PCDH15: variants seen among roughly 807,000 people sequenced by gnomAD.
PCDH15 encodes the protein protocadherin-15.
Under a neutral mutation model 178.5 loss-of-function variants are expected in PCDH15, and 129 were observed. The observed-to-expected ratio is 0.72, with a 90% confidence interval of 0.63 to 0.84. The LOEUF is 0.84. Ranked by LOEUF, PCDH15 falls within the 40% of genes least tolerant of loss-of-function variation. The pLI is 0.00. For missense variants in PCDH15, 2,230 were observed against 2,099.9 expected, an observed-to-expected ratio of 1.06 and a Z score of -1.21; for synonymous variants, 800 against 732.0, an observed-to-expected ratio of 1.09 and a Z score of -1.50.
chr10:54,071,365 C>T (rs187190613), intron 17 of PCDH15, among the ~76,000 whole-genome samples: 144 of 152,192 alleles, frequency 9.5e-4, no homozygotes, highest in African/African-American at 3.2e-3. Flanking sequence ...ACTTAATGAA[C>T]ACTTTTAAGG....
At chr10:54,606,750 C>A (rs970517094) in intron 2 of PCDH15, 1 of 152,018 alleles carries the variant, frequency 6.6e-6, no homozygotes, top group Non-Finnish European at 1.5e-5. Flanking sequence ...GATAAGAAGT[C>A]AAGCTACACT....
In PCDH15 at chr10:54,608,598, C is replaced by A. The variant is rs191003223; in HGVS notation, c.91+55574G>T. ...TGCACTCCAGCCTGGGTGACAGAGA[C>A]CCTCTCTTAACAAAATAAAAAATAC... On this transcript the variant is annotated intron_variant, in intron 2 of 37. Coordinates refer to ENST00000644397, the MANE Select transcript of PCDH15 (RefSeq NM_001384140.1). Among the ~76,000 whole-genome samples the A allele has an allele frequency of 9.9e-5, 15 of 151,812 alleles. No individual in the cohort carries two copies. In the East Asian group the frequency reaches 2.1e-3, roughly 22 times the overall value.
At position 55,588,890 on chromosome 10, in the gene PCDH15, T is replaced by A. The variant is rs35432352; in HGVS notation, c.-156+38735A>T. Among the ~76,000 whole-genome samples the A allele has an allele frequency of 9.4e-3, 1,436 of 152,104 alleles. 14 individuals are homozygous for A. The highest frequency in any genetic ancestry group is 0.014 in the Non-Finnish European group (972 of 67,990). On this transcript the variant is annotated intron_variant, in intron 2 of 5. Transcript: ENST00000613346. ...CGAGGTTGGGAGTTTGAGACCAGCC[T>A]GACCAACATGGAGAAACTCCATCTC...
chr10:55,380,866 T>C (rs776402858), intron 2 of PCDH15, among the ~76,000 whole-genome samples: 2 of 152,110 alleles, frequency 1.3e-5, no homozygotes, highest in Non-Finnish European at 1.5e-5. Context: ...TTCACAGTCA[T>C]TGATAGATTT....
At chr10:53,862,418 T>C (rs117044413) in intron 27 of PCDH15, among the ~76,000 whole-genome samples, 1,631 of 152,170 alleles carry the variant, frequency 0.011, 25 homozygotes, top group Non-Finnish European at 0.014. Flanking sequence ...ACTTGGAAAA[T>C]ACAAGTTTAC....
chr10:53,863,889 T>C (rs1478414602), intron 27 of PCDH15, among the ~76,000 whole-genome samples: 3 of 152,162 alleles, frequency 2.0e-5, no homozygotes, highest in Non-Finnish European at 4.4e-5. Flanking sequence ...GTCTAGATCC[T>C]GGAGGGTAGG....
chr10:55,242,658 G>A (rs187315047), intron 1 of PCDH15, among the ~76,000 whole-genome samples: 7 of 151,700 alleles, frequency 4.6e-5, no homozygotes, highest in African/African-American at 1.2e-4. Flanking sequence ...CTAGGGCAAC[G>A]TGGCAAAACC....
intron 10 of PCDH15, among the ~76,000 whole-genome samples, chr10:54,200,406 T>C (rs971568214): frequency 6.6e-6 from 1 of 151,742 alleles, no homozygotes; most frequent in Non-Finnish European, 1.5e-5. Context: ...GTATTTCTCC[T>C]AATGCTATCC....
intron 3 of PCDH15, among the ~76,000 whole-genome samples, chr10:54,440,513 A>G (rs2075732954): frequency 6.6e-6 from 1 of 151,958 alleles, no homozygotes; most frequent in Non-Finnish European, 1.5e-5. Context: ...TTTATTTGGC[A>G]TATTTTTTAA....
chr10:55,536,964 T>G (rs548483233), intron 2 of PCDH15, among the ~76,000 whole-genome samples: 1 of 152,288 alleles, frequency 6.6e-6, no homozygotes, highest in African/African-American at 2.4e-5. Context: ...AAAGTTATTT[T>G]ATTTTTTATA....
intron 2 of PCDH15, among the ~76,000 whole-genome samples, chr10:54,542,058 G>T (rs1315596920): frequency 6.6e-6 from 1 of 152,094 alleles, no homozygotes; most frequent in Non-Finnish European, 1.5e-5. Context: ...ACTTATTAAA[G>T]AACATATCCA....
chr10:54,604,708 T>C (rs2092675713), intron 2 of PCDH15, among the ~76,000 whole-genome samples: 2 of 151,980 alleles, frequency 1.3e-5, no homozygotes, highest in Admixed American at 1.3e-4. Context: ...GTTAATATCG[T>C]GTGATTGGGC....
At chr10:54,132,784 C>T in intron 15 of PCDH15, 91 bp downstream of exon 15, 2 of 1,535,074 alleles carry the variant, frequency 1.3e-6, no homozygotes, top group Non-Finnish European at 8.8e-7. Flanking sequence ...TGAGGTTTCT[C>T]CCTCCATACA....
intron 21 of PCDH15, among the ~76,000 whole-genome samples, chr10:53,987,989 C>T (rs2091220975): frequency 1.3e-5 from 2 of 152,164 alleles, no homozygotes; most frequent in African/African-American, 2.4e-5. Flanking sequence ...AATGGATTTA[C>T]TTTCAGAGTT....
At chr10:54,168,208 TCTA>T (rs1454803936) in intron 13 of PCDH15, among the ~76,000 whole-genome samples, 11 of 152,200 alleles carry the variant, frequency 7.2e-5, no homozygotes, top group Admixed American at 5.9e-4. Flanking sequence ...TCCTGCAAGA[TCTA>T]AATAATTCTT....
intron 2 of PCDH15, among the ~76,000 whole-genome samples, chr10:55,384,502 T>C (rs1837607583): frequency 6.6e-6 from 1 of 152,102 alleles, no homozygotes; most frequent in Admixed American, 6.6e-5. Context: ...CATTACAAAA[T>C]GAAATTAACC....
intron 32 of PCDH15, chr10:53,823,232 T>TACATGAGCTG: frequency 1.2e-6 from 2 of 1,614,098 alleles, no homozygotes; most frequent in Non-Finnish European, 1.7e-6. Context: ...GTGATCCGTC[T>TACATGAGCTG]ACATGAGCTG....
chr10:54,250,306 G>A (rs890639864), intron 8 of PCDH15, among the ~76,000 whole-genome samples: 2 of 119,170 alleles, frequency 1.7e-5, no homozygotes, highest in East Asian at 2.4e-4. Flanking sequence ...ACAGAGTCTC[G>A]CTCTGTCAAC....
Position 54,376,454 on chromosome 10 carries a change from CAT to C in PCDH15, c.318+2326_318+2327del, listed in dbSNP as rs1445960080. Among the ~76,000 whole-genome samples the C allele has an allele frequency of 2.0e-5, 3 of 150,576 alleles. No homozygotes were observed. The East Asian group carries it at 5.8e-4, about 29-fold the overall frequency. On this transcript the variant is annotated intron_variant, in intron 4 of 37. Transcript: ENST00000644397. ...TATATATATTTACATATATGAATAT[CAT>C]AGTATTAATATATATTTCATTAATA... is the stretch of plus-strand genomic sequence containing the variant.
Sources: allele counts gnomAD v4.1 joint callset (sites outside exome capture counted in the v4.1 genomes callset), GRCh38; gene constraint gnomAD v4.1.1; transcripts MANE v1.5; gene names NCBI Gene and HGNC (gene_info 2026-07-23, HGNC 2026-07-21).